The following EML6 variants were observed in gnomAD, a reference collection of about 807,000 sequenced individuals.
The protein encoded by EML6 is echinoderm microtubule-associated protein-like 6.
EML6 carries 154 observed loss-of-function variants against 240.1 expected under a neutral mutation model. The observed-to-expected ratio is 0.64, with a 90% CI of 0.56 to 0.73. The LOEUF (loss-of-function observed/expected upper bound fraction) is 0.73. Among genes scored for constraint, EML6 ranks in the 30% least tolerant of loss-of-function variants. The pLI, the probability that EML6 is intolerant of heterozygous loss-of-function variation, is 0.00. For missense variants in EML6, 2,964 were observed against 2,474.6 expected, an observed-to-expected ratio of 1.20 and a Z score of -4.20; for synonymous variants, 1,148 against 899.0, an observed-to-expected ratio of 1.28 and a Z score of -4.95.
chr2:54,938,033 A>C (rs1441629030), intron 28 of EML6, among the ~76,000 whole-genome samples: 1 of 152,194 alleles, frequency 6.6e-6, no homozygotes, highest in Non-Finnish European at 1.5e-5. Context: ...GATGTGAATG[A>C]TGGAAAAGTG....
At chr2:54,752,285 T>C (rs918237738) in intron 2 of EML6, among the ~76,000 whole-genome samples, 76 of 152,316 alleles carry the variant, frequency 5.0e-4, no homozygotes, top group African/African-American at 1.8e-3. Flanking sequence ...CAAATATCTG[T>C]TCACATTTTT....
At chr2:54,931,733 C>G (rs1489497653) in intron 28 of EML6, among the ~76,000 whole-genome samples, 1 of 152,136 alleles carries the variant, frequency 6.6e-6, no homozygotes, top group Non-Finnish European at 1.5e-5. Flanking sequence ...TACTTGAGGA[C>G]TGAAAGAGAT....
chr2:54,866,911 A>T (rs1489580510), intron 14 of EML6, 27 bp downstream of exon 14: 2 of 1,361,576 alleles, frequency 1.5e-6, no homozygotes, highest in African/African-American at 2.9e-5. Context: ...GGGCGCCCGT[A>T]TGTGTTCCTC....
At chr2:54,906,856 A>G (rs919620408) in intron 24 of EML6, among the ~76,000 whole-genome samples, 1 of 152,192 alleles carries the variant, frequency 6.6e-6, no homozygotes, top group Non-Finnish European at 1.5e-5. Flanking sequence ...CTTTCACAGC[A>G]GGGGCCTCCA....
intron 7 of EML6, among the ~76,000 whole-genome samples, chr2:54,830,567 G>T (rs999742706): frequency 2.0e-5 from 3 of 152,194 alleles, no homozygotes; most frequent in Non-Finnish European, 4.4e-5. Flanking sequence ...ACCTGATGGC[G>T]ATGCTGCCAC....
Position 54,859,687 on chromosome 2 carries a change from A to C in EML6, c.1811A>C (p.Glu604Ala). 2 of 1,539,548 alleles carry C rather than the reference A, an allele frequency of 1.3e-6. No homozygotes were observed. Among genetic ancestry groups the C allele is most frequent in the Non-Finnish European group, 1.7e-6 (2 of 1,143,822 alleles). The change falls in exon 12 of 42, where the codon GAA becomes GCA. Residue 604 changes from glutamate (E) to alanine (A), a missense_variant. By Grantham distance (107) the Glu-to-Ala change is moderately radical. Transcript: ENST00000356458. Reference sequence around the variant, plus strand: ...GAAGGTGTCAGCAACGGCATGCTGGAAACTGCACCCCAAGGTAAACCCAGC... The same window carrying C: ...GAAGGTGTCAGCAACGGCATGCTGGCAACTGCACCCCAAGGTAAACCCAGC... ...IPEGVSNGML[E>A]TAPQEGGADS...
At chr2:54,858,725 A>G (rs1003525563) in intron 11 of EML6, among the ~76,000 whole-genome samples, 1 of 152,140 alleles carries the variant, frequency 6.6e-6, no homozygotes, top group Admixed American at 6.5e-5. Context: ...AGTAATTTTC[A>G]CCTTCTTACA....
chr2:54,939,648 G>A (rs866916226), intron 28 of EML6, among the ~76,000 whole-genome samples: 62 of 152,210 alleles, frequency 4.1e-4, no homozygotes, highest in South Asian at 2.1e-3. Context: ...TATCCTCCCC[G>A]CTCCCTGCAG....
At chr2:54,910,035 T>C (rs1419496503) in intron 24 of EML6, among the ~76,000 whole-genome samples, 1 of 152,124 alleles carries the variant, frequency 6.6e-6, no homozygotes, top group Admixed American at 6.6e-5. Flanking sequence ...AGAAATATTA[T>C]GTATATGTAT....
chr2:54,827,916 A>G lies in EML6; in HGVS notation c.711+165A>G, dbSNP rs6748149. Among the ~76,000 whole-genome samples, 1,401 of 152,350 alleles carry G rather than the reference A, an allele frequency of 9.2e-3. 16 individuals are homozygous for G. Among genetic ancestry groups the G allele is most frequent in the African/African-American group, 0.032 (1,341 of 41,572 alleles). On this transcript the variant is annotated intron_variant, in intron 6 of 41. Transcript: ENST00000356458. ...TACATTTGCTCACCTAAAGGAAAATATATTTCAAAAGCATACAATGTAATT... is the reference window on the plus strand; with the variant it reads ...TACATTTGCTCACCTAAAGGAAAATGTATTTCAAAAGCATACAATGTAATT...
chr2:54,908,107 C>G (rs1673444664), intron 24 of EML6, among the ~76,000 whole-genome samples: 1 of 152,010 alleles, frequency 6.6e-6, no homozygotes, highest in South Asian at 2.1e-4. Context: ...TAAAAAAATA[C>G]CCTTAATTAT....
At chr2:54,943,174 T>G (rs1675515981) in intron 28 of EML6, among the ~76,000 whole-genome samples, 2 of 152,230 alleles carry the variant, frequency 1.3e-5, no homozygotes, top group African/African-American at 2.4e-5. Flanking sequence ...CTGGCACGCA[T>G]TCCATCTTGG....
Position 54,948,948 on chromosome 2 carries a change from G to A in EML6, c.4071G>A (p.Lys1357=). ...KLQKNNITKK[K]KLVEELALDH... is the part of the protein sequence containing the mutation. Reference sequence around the variant, plus strand: ...AGAAGAACAATATCACCAAAAAAAAGAAACTGGTTGAGGTGAGTTAAACAA... The same window carrying A: ...AGAAGAACAATATCACCAAAAAAAAAAAACTGGTTGAGGTGAGTTAAACAA... Residue 1357 remains lysine (K), a synonymous_variant, in exon 29 of 42, where the codon AAG becomes AAA. Transcript: ENST00000356458. 6.5e-7 allele frequency: 1 copy of A among 1,550,066 alleles called. No individual in the cohort carries two copies. The highest frequency in any genetic ancestry group is 1.7e-4 in the Middle Eastern group (1 of 5,992).
At chr2:54,872,214 A>G (rs1671292590) in intron 16 of EML6, among the ~76,000 whole-genome samples, 1 of 152,186 alleles carries the variant, frequency 6.6e-6, no homozygotes. Context: ...AGTGTTCTTT[A>G]AGTTGGCATT....
chr2:54,769,168 G>A (rs1299607430), intron 2 of EML6, among the ~76,000 whole-genome samples: 1 of 152,164 alleles, frequency 6.6e-6, no homozygotes, highest in African/African-American at 2.4e-5. Flanking sequence ...AGCCAGTCTG[G>A]CTGCAGTGTG....
In EML6 at chr2:54,844,042, G is replaced by C. The variant is rs1433819832; in HGVS notation, c.848-5G>C. ...ATTTGCTTTTGTTTTACTTATTTTT[G>C]TCAGGCCTCTCTATCCGGAGCGTGT... On this transcript the variant is annotated splice_region_variant and splice_polypyrimidine_tract_variant and intron_variant, in intron 7 of 41. Coordinates refer to ENST00000356458, the MANE Select transcript of EML6 (RefSeq NM_001039753.4). The C allele has an allele frequency of 6.5e-7, 1 of 1,538,780 alleles. No homozygotes were observed. Among genetic ancestry groups the C allele is most frequent in the African/African-American group, 1.4e-5 (1 of 71,762 alleles).
intron 33 of EML6, among the ~76,000 whole-genome samples, chr2:54,958,287 G>T (rs1182063009): frequency 6.6e-6 from 1 of 152,068 alleles, no homozygotes; most frequent in Non-Finnish European, 1.5e-5. Context: ...CACCTCCCAG[G>T]CTCAAGCGAT....
intron 2 of EML6, among the ~76,000 whole-genome samples, chr2:54,793,659 G>C (rs535881018): frequency 6.6e-6 from 1 of 152,236 alleles, no homozygotes; most frequent in East Asian, 1.9e-4. Flanking sequence ...TTCTTTTCAG[G>C]AAAGCAATGT....
intron 2 of EML6, among the ~76,000 whole-genome samples, chr2:54,794,607 A>G (rs1003724484): frequency 6.6e-6 from 1 of 152,058 alleles, no homozygotes; most frequent in Non-Finnish European, 1.5e-5. Flanking sequence ...TGTTTTTTCT[A>G]GGAAAACTTA....
Sources: gnomAD v4.1 joint callset for allele counts (sites outside exome capture counted in the v4.1 genomes callset) on GRCh38, gnomAD v4.1.1 for gene constraint, MANE v1.5 for transcripts, NCBI Gene and HGNC (gene_info 2026-07-23, HGNC 2026-07-21) for gene names.